The following NLGN1 variants were observed in gnomAD, a reference collection of about 807,000 sequenced individuals.
The protein encoded by NLGN1 is neuroligin 1.
A neutral mutation model predicts 65.5 loss-of-function variants in NLGN1; 12 were observed. That is an observed-to-expected ratio of 0.18 (90% CI 0.12 to 0.30). The LOEUF is 0.30. Among genes scored for constraint, NLGN1 ranks in the 10% least tolerant of loss-of-function variants. The pLI is 1.00. For synonymous variants in NLGN1, 350 were observed against 359.5 expected (o/e 0.97, Z 0.30); for missense variants, 750 against 1,007.1 (o/e 0.74, Z 3.46).
chr3:174,285,775 G>C (rs1202048038), exon 7 of NLGN1: 1 of 151,314 alleles, frequency 6.6e-6, no homozygotes, highest in Admixed American at 6.6e-5. Context: ...TTTTCCTCCT[G>C]AGATTTTATT....
At chr3:173,778,094 G>A (rs1253595541) in intron 3 of NLGN1, among the ~76,000 whole-genome samples, 1 of 151,698 alleles carries the variant, frequency 6.6e-6, no homozygotes, top group Non-Finnish European at 1.5e-5. Context: ...GGTCATTCCT[G>A]ACAAATTGAC....
At chr3:173,937,672 G>T (rs1745293974) in intron 4 of NLGN1, among the ~76,000 whole-genome samples, 1 of 152,068 alleles carries the variant, frequency 6.6e-6, no homozygotes. Context: ...ATTACTAATA[G>T]CTACTAATCA....
At chr3:174,209,821 C>T (rs1236771555) in intron 4 of NLGN1, among the ~76,000 whole-genome samples, 3 of 151,464 alleles carry the variant, frequency 2.0e-5, no homozygotes, top group African/African-American at 4.9e-5. Flanking sequence ...GTGGTAGGGA[C>T]GGGGTTGCGC....
chr3:173,935,814 C>A (rs1157427611), intron 4 of NLGN1, among the ~76,000 whole-genome samples: 1 of 151,730 alleles, frequency 6.6e-6, no homozygotes, highest in Non-Finnish European at 1.5e-5. Flanking sequence ...TGTTTAGCAA[C>A]CAAGGATTAA....
At chr3:174,233,400 C>A (rs558651957) in intron 4 of NLGN1, among the ~76,000 whole-genome samples, 2 of 151,928 alleles carry the variant, frequency 1.3e-5, no homozygotes, top group South Asian at 2.1e-4. Context: ...GCGGGAGAAT[C>A]GCTTGAACCC....
intron 4 of NLGN1, among the ~76,000 whole-genome samples, chr3:174,099,397 C>G (rs2152572473): frequency 6.6e-6 from 1 of 152,210 alleles, no homozygotes; most frequent in South Asian, 2.1e-4. Flanking sequence ...TTTATGATCT[C>G]CAGGTTTTAA....
chr3:173,805,591 T>G (rs1478937515), intron 3 of NLGN1, among the ~76,000 whole-genome samples: 1 of 152,160 alleles, frequency 6.6e-6, no homozygotes, highest in Non-Finnish European at 1.5e-5. Flanking sequence ...GTTTTCCAGG[T>G]GAACAGAATG....
Position 174,011,959 on chromosome 3 carries a change from GA to G in NLGN1, c.646+204130del, listed in dbSNP as rs573050989. Among the ~76,000 whole-genome samples the G allele has an allele frequency of 2.8e-4, 42 of 152,244 alleles. 1 individual carries two copies. The highest frequency in any genetic ancestry group is 7.5e-4 in the African/African-American group (31 of 41,558). On this transcript the variant is annotated intron_variant, in intron 4 of 6. Transcript: ENST00000457714. ...TATTTTCAGCCTATAACAACAAAATGAAATGACAATTCTTTCAAATAGCAAA... is the reference window on the plus strand; with the variant it reads ...TATTTTCAGCCTATAACAACAAAATGAATGACAATTCTTTCAAATAGCAAA...
chr3:174,139,330 A>G (rs1721871860), intron 4 of NLGN1, among the ~76,000 whole-genome samples: 1 of 151,610 alleles, frequency 6.6e-6, no homozygotes, highest in Non-Finnish European at 1.5e-5. Flanking sequence ...TAGTTTGGGG[A>G]TTTTTCCAGG....
intron 3 of NLGN1, among the ~76,000 whole-genome samples, chr3:173,722,591 T>C (rs1400696202): frequency 1.3e-5 from 2 of 152,066 alleles, no homozygotes; most frequent in East Asian, 3.9e-4. Context: ...ACTCATCTAT[T>C]AAGACATGAG....
intron 4 of NLGN1, among the ~76,000 whole-genome samples, chr3:174,217,103 G>T (rs1483130124): frequency 5.9e-5 from 9 of 152,034 alleles, no homozygotes; most frequent in Admixed American, 1.3e-4. Context: ...CCTAGATAAG[G>T]ATCTTTCTTC....
intron 3 of NLGN1, among the ~76,000 whole-genome samples, chr3:173,705,472 A>T (rs1263750220): frequency 6.6e-6 from 1 of 152,178 alleles, no homozygotes; most frequent in African/African-American, 2.4e-5. Context: ...GATGTTAGAC[A>T]GGTAAAAATA....
intron 4 of NLGN1, among the ~76,000 whole-genome samples, chr3:174,098,596 G>T (rs755143242): frequency 1.5e-4 from 23 of 152,124 alleles, no homozygotes; most frequent in Non-Finnish European, 2.9e-4. Context: ...GATTTCACTA[G>T]AGTATAGAAT....
intron 4 of NLGN1, among the ~76,000 whole-genome samples, chr3:173,971,623 T>A (rs1319803499): frequency 6.6e-6 from 1 of 152,070 alleles, no homozygotes; most frequent in African/African-American, 2.4e-5. Flanking sequence ...ATATATGAAA[T>A]GCTAAAGTAA....
chr3:174,174,471 C>T (rs1729091131), intron 4 of NLGN1, among the ~76,000 whole-genome samples: 1 of 152,016 alleles, frequency 6.6e-6, no homozygotes, highest in Non-Finnish European at 1.5e-5. Flanking sequence ...TCACCACATC[C>T]ATGCCAACAT....
chr3:173,473,212 A>T (rs372693233), intron 2 of NLGN1, among the ~76,000 whole-genome samples: 1 of 152,182 alleles, frequency 6.6e-6, no homozygotes, highest in African/African-American at 2.4e-5. Flanking sequence ...TATGTCTCTG[A>T]ATTTGTGAAT....
intron 2 of NLGN1, among the ~76,000 whole-genome samples, chr3:173,443,378 T>C (rs928118012): frequency 6.0e-5 from 9 of 149,858 alleles, no homozygotes; most frequent in African/African-American, 2.2e-4. Flanking sequence ...ATTGAAGCTC[T>C]TTGTGATTAA....
rs147189900 is a variant in NLGN1, at chr3:174,166,440, C to A, written c.647-108875C>A. Among the ~76,000 whole-genome samples the A allele has an allele frequency of 2.6e-5, 4 of 152,036 alleles. No homozygotes were observed. The South Asian group carries it at 6.2e-4, about 24-fold the overall frequency. On this transcript the variant is annotated intron_variant, in intron 4 of 6. Coordinates refer to ENST00000457714, the Ensembl canonical transcript of NLGN1. ...TTTTTGATTTCTGCTTTAATTTCAT[C>A]GTTTACCCAAACGGATTAAGTTGTT...
At chr3:174,290,201 G>C (rs531406948), downstream of NLGN1, among the ~76,000 whole-genome samples, 1 of 150,712 alleles carries the variant, frequency 6.6e-6, no homozygotes. Flanking sequence ...AAAAGAATCA[G>C]CAGCAAAGAC....
Sources: gnomAD v4.1 joint callset for allele counts (sites outside exome capture counted in the v4.1 genomes callset) on GRCh38, gnomAD v4.1.1 for gene constraint, MANE v1.5 for transcripts, NCBI Gene and HGNC (gene_info 2026-07-23, HGNC 2026-07-21) for gene names.